SAMD7: variants seen among roughly 807,000 people sequenced by gnomAD.
The protein encoded by SAMD7 is sterile alpha motif domain-containing protein 7.
Under a neutral mutation model 36.7 loss-of-function variants are expected in SAMD7, and 34 were observed. The ratio of observed to expected loss-of-function variants is 0.93; its 90% CI spans 0.71 to 1.23. The LOEUF is 1.23. SAMD7 is among the 50% of genes most tolerant of loss of function. SAMD7 has a pLI of 0.00. For missense variants in SAMD7, 570 were observed against 546.6 expected (o/e 1.04, Z -0.43); for synonymous variants, 188 against 189.7 (o/e 0.99, Z 0.07).
chr3:169,925,819 C>T (rs762505847), intron 5 of SAMD7, among the ~76,000 whole-genome samples: 15 of 152,170 alleles, frequency 9.9e-5, no homozygotes, highest in Admixed American at 3.3e-4. Flanking sequence ...AAAATGCCTA[C>T]GACTCCTCTG....
intron 3 of SAMD7, among the ~76,000 whole-genome samples, chr3:169,920,558 C>T (rs1217468689): frequency 6.6e-6 from 1 of 152,174 alleles, no homozygotes; most frequent in Non-Finnish European, 1.5e-5. Context: ...CGAAACAAGT[C>T]CATAACAACT....
chr3:169,918,896 C>T (rs1712924752), intron 2 of SAMD7, among the ~76,000 whole-genome samples: 2 of 152,166 alleles, frequency 1.3e-5, no homozygotes, highest in Non-Finnish European at 2.9e-5. Flanking sequence ...CCTGTAATCC[C>T]AGCACTTTGG....
intron 4 of SAMD7, among the ~76,000 whole-genome samples, chr3:169,924,440 A>G (rs1003219004): frequency 6.6e-6 from 1 of 152,004 alleles, no homozygotes; most frequent in Admixed American, 6.6e-5. Flanking sequence ...TACAAAAATT[A>G]GCTGGGTGTG....
At chr3:169,934,840 T>C (rs985667752) in intron 7 of SAMD7, among the ~76,000 whole-genome samples, 1 of 152,118 alleles carries the variant, frequency 6.6e-6, no homozygotes, top group Non-Finnish European at 1.5e-5. Flanking sequence ...AACCCTAACC[T>C]ATAAAAATGG....
chr3:169,925,396 CA>C (rs1407895039), intron 5 of SAMD7, among the ~76,000 whole-genome samples: 3 of 151,258 alleles, frequency 2.0e-5, no homozygotes, highest in Admixed American at 6.6e-5. Flanking sequence ...GAAATGAATA[CA>C]AACATGTATG....
In SAMD7 at chr3:169,921,289, T is replaced by G; in HGVS notation, c.162T>G (p.Val54=). 1 of 1,614,150 alleles carries G rather than the reference T, an allele frequency of 6.2e-7. No homozygotes were observed. The highest frequency in any genetic ancestry group is 1.1e-5 in the South Asian group (1 of 91,088). ...TTCCTTCCCAATTTGGATCCTCTGT[T>G]CTACCAAACACAAATATGGCAAATG... ...FCVPSQFGSS[V]LPNTNMANVL... The change falls in exon 4 of 9, where the codon GTT becomes GTG. Residue 54 remains valine (V), a synonymous_variant. Transcript: ENST00000335556.
chr3:169,919,006 C>A (rs1402273148), intron 2 of SAMD7, among the ~76,000 whole-genome samples: 2 of 152,104 alleles, frequency 1.3e-5, no homozygotes, highest in Middle Eastern at 3.4e-3. Flanking sequence ...ATTAGCCGGG[C>A]GTGGTGGTGG....
chr3:169,937,667 A>C (rs974409585), intron 8 of SAMD7, among the ~76,000 whole-genome samples: 1 of 152,278 alleles, frequency 6.6e-6, no homozygotes, highest in East Asian at 1.9e-4. Context: ...ACTGATGGGC[A>C]TTTGGGTTGA....
intron 7 of SAMD7, among the ~76,000 whole-genome samples, chr3:169,933,495 TGG>T (rs1559954284): frequency 6.6e-6 from 1 of 152,218 alleles, no homozygotes; most frequent in East Asian, 1.9e-4. Context: ...GCATCATAGT[TGG>T]TCAGTCTTAA....
At chr3:169,935,052 G>C (rs544453077) in intron 7 of SAMD7, among the ~76,000 whole-genome samples, 34 of 152,306 alleles carry the variant, frequency 2.2e-4, no homozygotes, top group Admixed American at 5.9e-4. Context: ...CCGGAAGCCT[G>C]AGGAAAGCCG....
intron 4 of SAMD7, among the ~76,000 whole-genome samples, chr3:169,922,287 G>C (rs577556584): frequency 6.6e-6 from 1 of 152,214 alleles, no homozygotes; most frequent in African/African-American, 2.4e-5. Context: ...AGTGCAGATA[G>C]AAGAGGTAAA....
At chr3:169,927,285 C>CTTTTTTT (rs71634451) in intron 6 of SAMD7, 104 bp downstream of exon 6, 22 of 141,806 alleles carry the variant, frequency 1.6e-4, no homozygotes, top group Non-Finnish European at 1.9e-4. Context: ...TTTTATCTTT[C>CTTTTTTT]TTTTTTTTTT....
chr3:169,917,539 G>A (rs1267922477), intron 2 of SAMD7, among the ~76,000 whole-genome samples: 1 of 151,808 alleles, frequency 6.6e-6, no homozygotes, highest in Non-Finnish European at 1.5e-5. Context: ...CAGGGTAAAC[G>A]GCCTATCCAT....
At chr3:169,937,429 C>A (rs1462425208) in intron 8 of SAMD7, among the ~76,000 whole-genome samples, 1 of 152,132 alleles carries the variant, frequency 6.6e-6, no homozygotes, top group Non-Finnish European at 1.5e-5. Flanking sequence ...CCCTGACAGG[C>A]CTCAGTGTGT....
At chr3:169,938,192 C>T (rs181851554) in intron 8 of SAMD7, 126 bp from the exon 9 acceptor site, 17 of 638,898 alleles carry the variant, frequency 2.7e-5, no homozygotes, top group Middle Eastern at 3.6e-4. Flanking sequence ...TTGTGACCCC[C>T]ACAACTATAT....
At position 169,926,680 on chromosome 3, in the gene SAMD7, C is replaced by T. The variant is rs1387747596; in HGVS notation, c.418C>T (p.His140Tyr). The T allele has an allele frequency of 6.8e-6, 11 of 1,613,880 alleles. No individual in the cohort carries two copies. Among genetic ancestry groups the T allele is most frequent in the East Asian group, 2.2e-5 (1 of 44,878 alleles). ...SSVPAAPAAY[H>Y]GRSMLPAGDL... is the part of the protein sequence containing the mutation. The stretch of plus-strand genomic sequence containing the variant: ...TGTCCCAGCTGCCCCCGCTGCCTAC[C>T]ATGGCAGGAGCATGCTCCCTGCCGG... The change falls in exon 6 of 9, where the codon CAT (histidine) becomes TAT (tyrosine). Residue 140 changes from histidine (H) to tyrosine (Y), a missense_variant. By Grantham distance (83) the His-to-Tyr change is moderately conservative (BLOSUM62 2). Coordinates refer to ENST00000335556, the MANE Select transcript of SAMD7 (RefSeq NM_001304366.2).
At chr3:169,935,068 A>C (rs1328233311) in intron 7 of SAMD7, among the ~76,000 whole-genome samples, 1 of 152,222 alleles carries the variant, frequency 6.6e-6, no homozygotes, top group African/African-American at 2.4e-5. Context: ...AGCCGGCTTA[A>C]TGGAATGGTC....
rs775876405 is a variant in SAMD7, at chr3:169,919,604, T to C, written c.86+20T>C. The C allele has an allele frequency of 6.5e-7, 1 of 1,548,876 alleles. No homozygotes were observed. Among genetic ancestry groups the C allele is most frequent in the Non-Finnish European group, 8.9e-7 (1 of 1,120,382 alleles). ...GGACAGGTATTTCTCTTCAATATAA[T>C]AGTTTGATCAAAGAACAACATGGAC... On this transcript the variant is annotated intron_variant, in intron 3 of 8. Coordinates refer to ENST00000335556, the MANE Select transcript of SAMD7 (RefSeq NM_001304366.2).
intron 2 of SAMD7, 143 bp from the exon 3 acceptor site, chr3:169,919,315 T>G: frequency 1.7e-6 from 1 of 598,998 alleles, no homozygotes; most frequent in Non-Finnish European, 3.0e-6. Context: ...ATATCTGGGG[T>G]TTTTGTGTAA....
Sources: allele counts gnomAD v4.1 joint callset (sites outside exome capture counted in the v4.1 genomes callset), GRCh38; gene constraint gnomAD v4.1.1; transcripts MANE v1.5; gene names NCBI Gene and HGNC (gene_info 2026-07-23, HGNC 2026-07-21).